Variants in SEC24B observed in about 807,000 individuals in gnomAD.
SEC24B encodes the protein SEC24 homolog B, COPII component.
In SEC24B, 45 loss-of-function variants were observed where a neutral mutation model predicts 142.8. The ratio of observed to expected loss-of-function variants is 0.32; its 90% confidence interval spans 0.25 to 0.40. The LOEUF (loss-of-function observed/expected upper bound fraction) is 0.40. Ranked by LOEUF, SEC24B falls within the 10% of genes least tolerant of loss-of-function variation. SEC24B has a pLI of 1.00. For missense variants in SEC24B, 1,409 were observed against 1,526.8 expected, an observed-to-expected ratio of 0.92 and a Z score of 1.29; for synonymous variants, 574 against 568.2, an observed-to-expected ratio of 1.01 and a Z score of -0.15.
At chr4:109,466,560 G>A (rs371812326) in intron 2 of SEC24B, among the ~76,000 whole-genome samples, 1 of 152,080 alleles carries the variant, frequency 6.6e-6, no homozygotes, top group Non-Finnish European at 1.5e-5. Context: ...AGCGGCACCC[G>A]CCACCACACC....
At position 109,516,540 on chromosome 4, in the gene SEC24B, C is replaced by T; in HGVS notation, c.2026C>T (p.Gln676Ter). 6.2e-7 allele frequency: 1 copy of T among 1,609,556 alleles called. No homozygotes were observed. Among genetic ancestry groups the T allele is most frequent in the Non-Finnish European group, 8.5e-7 (1 of 1,177,260 alleles). ...TTATTCCTTTCAGCTGCGTCCTCCT[C>T]AACCTGCAGTTTACTTGTTTGTTTT... ...ASSDYMLRPP[Q>*]PAVYLFVLDV... Residue 676 changes from glutamine (Q) to a stop codon, truncating the protein, a stop_gained, in exon 11 of 24, where the codon CAA becomes TAA. Transcript: ENST00000265175. LOFTEE classifies it high-confidence loss of function.
At chr4:109,451,320 C>T (rs1578774278) in intron 1 of SEC24B, among the ~76,000 whole-genome samples, 3 of 150,948 alleles carry the variant, frequency 2.0e-5, no homozygotes, top group East Asian at 2.0e-4. Context: ...TGGGCTCAAG[C>T]GATCCTCTCA....
intron 6 of SEC24B, among the ~76,000 whole-genome samples, chr4:109,496,233 C>T (rs1235940861): frequency 2.0e-5 from 3 of 152,052 alleles, no homozygotes; most frequent in African/African-American, 7.2e-5. Context: ...CTGCCTCAGC[C>T]TTCCGAGTAG....
chr4:109,523,882 T>G (rs1465067140), intron 14 of SEC24B, among the ~76,000 whole-genome samples: 2 of 152,182 alleles, frequency 1.3e-5, no homozygotes, highest in Non-Finnish European at 2.9e-5. Context: ...TAGCATTGCT[T>G]TTTTTATTCT....
In SEC24B at chr4:109,468,290, AC is replaced by A. The variant is rs561708034; in HGVS notation, c.877+4648del. 7.0e-4 allele frequency among the ~76,000 whole-genome samples: 107 copies of A among 152,250 alleles called. 1 individual carries two copies. Among genetic ancestry groups the A allele is most frequent in the Admixed American group, 6.1e-3 (93 of 15,296 alleles). ...TCAGTTTTTCTAAAGATACTCTTGA[AC>A]CTTTTTTCATCTTTTTTCAACTTTG... On this transcript the variant is annotated intron_variant, in intron 2 of 23. Coordinates refer to ENST00000265175, the MANE Select transcript of SEC24B (RefSeq NM_006323.5).
chr4:109,474,773 A>AT (rs1732925081), intron 3 of SEC24B, among the ~76,000 whole-genome samples: 1 of 152,144 alleles, frequency 6.6e-6, no homozygotes, highest in Admixed American at 6.5e-5. Context: ...CCATCCTATC[A>AT]TCTTTTTATA....
chr4:109,500,469 A>G (rs753436032), intron 6 of SEC24B, among the ~76,000 whole-genome samples: 92 of 150,786 alleles, frequency 6.1e-4, no homozygotes, highest in Non-Finnish European at 9.2e-4. Flanking sequence ...GCTTGAACCC[A>G]GGAGGCAGAG....
chr4:109,471,816 G>A (rs1359076898), intron 2 of SEC24B, among the ~76,000 whole-genome samples: 4 of 152,122 alleles, frequency 2.6e-5, no homozygotes, highest in African/African-American at 9.7e-5. Flanking sequence ...GGTGTAAGCT[G>A]CAGTGTCCCT....
Position 109,520,441 on chromosome 4 carries a change from A to T in SEC24B, c.2202A>T (p.Glu734Asp). Residue 734 changes from glutamate (E) to aspartate (D), a missense_variant, in exon 12 of 24, where the codon GAA (glutamate) becomes GAT (aspartate). Physicochemically the swap from Glu to Asp is conservative, Grantham distance 45. Coordinates refer to ENST00000265175, the MANE Select transcript of SEC24B (RefSeq NM_006323.5). ...DSTIHFYNLQ[E>D]GLSQPQMLIV... ...CTATTCATTTCTACAATTTACAAGA[A>T]GGATTATCACAGCCTCAAATGTTGA... 1 of 1,611,578 alleles carries T rather than the reference A, an allele frequency of 6.2e-7. No homozygotes were observed. The highest frequency in any genetic ancestry group is 8.5e-7 in the Non-Finnish European group (1 of 1,177,896).
intron 20 of SEC24B, 40 bp downstream of exon 20, chr4:109,531,562 A>G (rs372354783): frequency 2.0e-5 from 30 of 1,470,296 alleles, no homozygotes; most frequent in Middle Eastern, 1.8e-4. Flanking sequence ...AAATTTGAAT[A>G]TATTTGAGTG....
chr4:109,450,496 A>G (rs980530312), intron 1 of SEC24B, among the ~76,000 whole-genome samples: 1 of 151,530 alleles, frequency 6.6e-6, no homozygotes, highest in African/African-American at 2.4e-5. Flanking sequence ...CATCTCTACT[A>G]AAAATACAAA....
At chr4:109,456,231 G>A (rs1730651737) in intron 1 of SEC24B, among the ~76,000 whole-genome samples, 1 of 151,302 alleles carries the variant, frequency 6.6e-6, no homozygotes, top group African/African-American at 2.4e-5. Context: ...TATATTCTAT[G>A]ACCTTGATAA....
intron 9 of SEC24B, among the ~76,000 whole-genome samples, chr4:109,513,333 G>A (rs1312944857): frequency 6.7e-6 from 1 of 149,348 alleles, no homozygotes; most frequent in Non-Finnish European, 1.5e-5. Context: ...GCCTAGGCTG[G>A]AGTGCAGTGG....
At position 109,530,258 on chromosome 4, in the gene SEC24B, T is replaced by A. The variant is rs763437655; in HGVS notation, c.3077-31T>A. 10 of 1,596,608 alleles carry A rather than the reference T, an allele frequency of 6.3e-6. No individual in the cohort carries two copies. The Admixed American group carries it at 1.5e-4, about 25-fold the overall frequency. ...ATAGTGCCCATTGGATTCTAATGGTTAAAATACCTTTCACTTTGGTTGCTT... is the reference window on the plus strand; with the variant it reads ...ATAGTGCCCATTGGATTCTAATGGTAAAAATACCTTTCACTTTGGTTGCTT... On this transcript the variant is annotated intron_variant, in intron 18 of 23. Coordinates refer to ENST00000265175, the MANE Select transcript of SEC24B (RefSeq NM_006323.5).
chr4:109,462,033 T>C (rs1383765084), intron 1 of SEC24B, among the ~76,000 whole-genome samples: 1 of 151,860 alleles, frequency 6.6e-6, no homozygotes, highest in Admixed American at 6.6e-5. Context: ...CTGTAAAAAA[T>C]AAATAAGTAA....
At chr4:109,437,763 T>G (rs1728543651) in intron 1 of SEC24B, among the ~76,000 whole-genome samples, 1 of 152,214 alleles carries the variant, frequency 6.6e-6, no homozygotes, top group Middle Eastern at 3.2e-3. Context: ...TAGCTGGGCC[T>G]ACAGGCGCAC....
chr4:109,523,652 ATATCAT>A (rs1343202872), intron 14 of SEC24B, among the ~76,000 whole-genome samples: 1 of 152,170 alleles, frequency 6.6e-6, no homozygotes, highest in African/African-American at 2.4e-5. Flanking sequence ...ATTTGAGAAA[ATATCAT>A]TATAAGTAGT....
At chr4:109,434,434 C>T (rs1314689876) in intron 1 of SEC24B, among the ~76,000 whole-genome samples, 1 of 152,188 alleles carries the variant, frequency 6.6e-6, no homozygotes. Context: ...CCGCTGAGTG[C>T]GTGGTCCGGA....
rs1735584804 is a variant in SEC24B at position 109,496,779 on chromosome 4, T to G, written c.1488+1923T>G. Among the ~76,000 whole-genome samples, 3 of 152,358 alleles carry G rather than the reference T, an allele frequency of 2.0e-5. No individual in the cohort carries two copies. The South Asian group carries it at 6.2e-4, about 32-fold the overall frequency. ...GTTGGTTAGTACAGATTTCTCTGCC[T>G]CCCATTTTGCTAGATTTTCTTTATG... is the stretch of plus-strand genomic sequence containing the variant. On this transcript the variant is annotated intron_variant, in intron 6 of 23. Transcript: ENST00000265175.
Sources: allele counts gnomAD v4.1 joint callset (sites outside exome capture counted in the v4.1 genomes callset), GRCh38; gene constraint gnomAD v4.1.1; transcripts MANE v1.5; gene names NCBI Gene and HGNC (gene_info 2026-07-23, HGNC 2026-07-21).